Variants in CREBBP observed in about 807,000 individuals in gnomAD.
CREBBP encodes CREB binding lysine acetyltransferase, also known as CREB-binding protein.
In CREBBP, 19 loss-of-function variants were observed where a neutral mutation model predicts 265.0. That is an observed-to-expected ratio of 0.07 (90% CI 0.05 to 0.11). The LOEUF (loss-of-function observed/expected upper bound fraction) is 0.11, where lower values mean the gene tolerates loss of function less well. CREBBP is among the 10% of genes least tolerant of loss of function. The probability of loss-of-function intolerance (pLI) is 1.00; values close to 1 mark genes in which losing one functional copy is unlikely to be tolerated. For synonymous variants in CREBBP, 1,457 were observed against 1,223.7 expected (o/e 1.19, Z -3.98); for missense variants, 2,525 against 3,219.0 (o/e 0.78, Z 5.22).
At chr16:3,833,444 G>T (rs1279774724) in intron 2 of CREBBP, among the ~76,000 whole-genome samples, 1 of 151,972 alleles carries the variant, frequency 6.6e-6, no homozygotes, top group Non-Finnish European at 1.5e-5. Flanking sequence ...ACAAAACATT[G>T]TACTAGAGGT....
intron 21 of CREBBP, among the ~76,000 whole-genome samples, chr16:3,748,854 T>G (rs532726923): frequency 6.6e-6 from 1 of 152,210 alleles, no homozygotes; most frequent in African/African-American, 2.4e-5. Flanking sequence ...TGTAGAAAAG[T>G]GCTTAACAGG....
At chr16:3,835,131 C>T (rs1464065300) in intron 2 of CREBBP, among the ~76,000 whole-genome samples, 1 of 152,062 alleles carries the variant, frequency 6.6e-6, no homozygotes, top group Non-Finnish European at 1.5e-5. Context: ...TGCACTCCGG[C>T]CTGGGCAAAA....
intron 1 of CREBBP, among the ~76,000 whole-genome samples, chr16:3,851,306 T>TAAAAAAAAAAAAAAAAAAAAAAAAA (rs1160251196): frequency 1.3e-5 from 1 of 76,506 alleles, no homozygotes; most frequent in African/African-American, 4.3e-5. Context: ...AAAAAAAAAT[T>TAAAAAAAAAAAAAAAAAAAAAAAAA]AAAAAAAAAA....
intron 1 of CREBBP, among the ~76,000 whole-genome samples, chr16:3,856,110 C>G (rs1385692572): frequency 1.3e-5 from 2 of 152,208 alleles, no homozygotes; most frequent in Non-Finnish European, 2.9e-5. Flanking sequence ...AATATGTACC[C>G]CCCCAAATAA....
At chr16:3,732,823 C>T (rs1260100905) in intron 28 of CREBBP, among the ~76,000 whole-genome samples, 2 of 152,042 alleles carry the variant, frequency 1.3e-5, no homozygotes, top group Non-Finnish European at 1.5e-5. Flanking sequence ...GCCTGAACCT[C>T]CCTAGTAGCT....
At chr16:3,805,738 T>C (rs2053816235) in intron 3 of CREBBP, among the ~76,000 whole-genome samples, 1 of 152,156 alleles carries the variant, frequency 6.6e-6, no homozygotes, top group Non-Finnish European at 1.5e-5. Flanking sequence ...ACAAAGTAAG[T>C]CCACTCCACA....
intron 1 of CREBBP, among the ~76,000 whole-genome samples, chr16:3,867,923 C>T (rs1003573210): frequency 6.6e-5 from 10 of 151,934 alleles, no homozygotes; most frequent in African/African-American, 2.4e-4. Flanking sequence ...GAGACCCTGT[C>T]TCAAAATAAA....
chr16:3,844,920 GC>G (rs2054635153), intron 2 of CREBBP, among the ~76,000 whole-genome samples: 1 of 152,028 alleles, frequency 6.6e-6, no homozygotes, highest in Non-Finnish European at 1.5e-5. Flanking sequence ...ACCATACTAT[GC>G]TTCCAAGCAA....
chr16:3,823,266 A>C (rs977033280), intron 2 of CREBBP, among the ~76,000 whole-genome samples: 27 of 152,320 alleles, frequency 1.8e-4, no homozygotes, highest in African/African-American at 6.3e-4. Context: ...TGAGTGCCCA[A>C]AATGGCAAGA....
Position 3,810,690 on chromosome 16 carries a change from C to T in CREBBP, c.888G>A (p.Gln296=). 1 of 1,613,932 alleles carries T rather than the reference C, an allele frequency of 6.2e-7. No individual in the cohort carries two copies. The part of the protein sequence containing the change: ...QPMGATGVNP[Q]LASKQSMVNS... ...TGACCATGCTCTGTTTGCTGGCTAA[C>T]TGGGGGTTCACTCCAGTGGCTCCCA... Residue 296 remains glutamine, a synonymous_variant, in exon 3 of 31, where the codon CAG becomes CAA. Transcript: ENST00000262367.
intron 5 of CREBBP, among the ~76,000 whole-genome samples, chr16:3,784,137 G>A (rs150119918): frequency 6.6e-6 from 1 of 151,932 alleles, no homozygotes; most frequent in East Asian, 1.9e-4. Flanking sequence ...CATAAAACAC[G>A]ACCACAAAGC....
At chr16:3,783,261 A>G (rs2053314921) in intron 5 of CREBBP, among the ~76,000 whole-genome samples, 1 of 152,184 alleles carries the variant, frequency 6.6e-6, no homozygotes, top group South Asian at 2.1e-4. Flanking sequence ...GGAGTGGCAA[A>G]TGTATGACAA....
Position 3,731,443 on chromosome 16 carries a change from G to A in CREBBP, c.4921C>T (p.Pro1641Ser), listed in dbSNP as rs753142151. 1.3e-6 allele frequency: 2 copies of A among 1,597,400 alleles called. No individual in the cohort carries two copies. Among genetic ancestry groups the A allele is most frequent in the East Asian group, 2.3e-5 (1 of 44,284 alleles). Residue 1641 changes from proline (P) to serine (S), a missense_variant, in exon 30 of 31, where the codon CCT (proline) becomes TCT (serine). Physicochemically the swap from Pro to Ser is moderately conservative, Grantham distance 74 (BLOSUM62 -1). This residue lies in a region of CREBBP where 37 missense variants were observed against 34.1 expected (regional missense o/e 1.09). Transcript: ENST00000262367. The surrounding 1 kb of genome is among the most constrained non-coding windows in gnomAD (Gnocchi z 7.7). The stretch of plus-strand genomic sequence containing the variant: ...ATGGGGGGCAGGGTGTTGATGACAG[G>A]CCCAGCGTGCAGGTGGATCACGAAG... ...VFFVIHLHAG[P>S]VINTLPPIVD... is the part of the protein sequence containing the mutation.
At chr16:3,758,762 G>C (rs912303139) in intron 17 of CREBBP, 92 bp downstream of exon 17, 1 of 971,670 alleles carries the variant, frequency 1.0e-6, no homozygotes, top group Non-Finnish European at 1.7e-6. Flanking sequence ...TCAAGGCAGG[G>C]GGATTATTTT....
Position 3,736,197 on chromosome 16 carries a change from A to G in CREBBP, c.4567T>C (p.Phe1523Leu), listed in dbSNP as rs2052052848. Residue 1523 changes from phenylalanine to leucine, a missense_variant, in exon 28 of 31, where the codon TTC becomes CTC. Physicochemically the swap from Phe to Leu is conservative, Grantham distance 22. Around this residue, in one of 19 missense-constraint regions of CREBBP, gnomAD observed 93 missense variants for 161.5 expected, o/e 0.58. Transcript: ENST00000262367. The part of the protein sequence containing the change: ...ERIIHDYKDI[F>L]KQATEDRLTS... ...AGCCTGTCTTCAGTTGCTTGTTTGA[A>G]AATATCCTGAGTGGGCAAAGCACAA... is the stretch of plus-strand genomic sequence containing the variant. 12 of 1,614,208 alleles carry G rather than the reference A, an allele frequency of 7.4e-6. No individual in the cohort carries two copies. Among genetic ancestry groups the G allele is most frequent in the Non-Finnish European group, 1.0e-5 (12 of 1,180,038 alleles).
chr16:3,805,209 TAAG>T (rs1407003680), intron 3 of CREBBP, among the ~76,000 whole-genome samples: 2 of 152,236 alleles, frequency 1.3e-5, no homozygotes, highest in African/African-American at 4.8e-5. Flanking sequence ...TGTAAACTCT[TAAG>T]AATACACAAA....
At chr16:3,859,135 C>G (rs1386041774) in intron 1 of CREBBP, among the ~76,000 whole-genome samples, 1 of 152,112 alleles carries the variant, frequency 6.6e-6, no homozygotes, top group African/African-American at 2.4e-5. Context: ...TGGTCTTCCA[C>G]CCTGTCTCCT....
At chr16:3,845,712 C>A (rs2054652668) in intron 2 of CREBBP, among the ~76,000 whole-genome samples, 1 of 151,730 alleles carries the variant, frequency 6.6e-6, no homozygotes, top group Non-Finnish European at 1.5e-5. Flanking sequence ...ATGGCAAAAC[C>A]CCGTCTCCAC....
At chr16:3,739,543 T>A (rs1048222262) in intron 25 of CREBBP, 35 bp downstream of exon 25, 4 of 1,613,984 alleles carry the variant, frequency 2.5e-6, no homozygotes, top group South Asian at 1.1e-5. Context: ...CACGGCTCAC[T>A]GAATGACACG....
Sources: allele counts gnomAD v4.1 joint callset (sites outside exome capture counted in the v4.1 genomes callset), GRCh38; gene constraint gnomAD v4.1.1; regional missense constraint gnomAD v4.1.1; non-coding constraint Gnocchi (gnomAD v3.1); transcripts MANE v1.5; gene names NCBI Gene and HGNC (gene_info 2026-07-23, HGNC 2026-07-21).